NFATC2: variants seen among roughly 807,000 people sequenced by gnomAD.
The protein encoded by NFATC2 is nuclear factor of activated T-cells, cytoplasmic 2.
A neutral mutation model predicts 87.3 loss-of-function variants in NFATC2; 22 were observed. That is an observed-to-expected ratio of 0.25 (90% CI 0.18 to 0.36). The LOEUF is 0.36. NFATC2 is among the 10% of genes least tolerant of loss of function. The pLI is 1.00. For missense variants in NFATC2, 1,149 were observed against 1,259.1 expected (o/e 0.91, Z 1.32); for synonymous variants, 565 against 542.2 (o/e 1.04, Z -0.58).
chr20:51,550,449 G>C (rs2076923617), intron 1 of NFATC2, among the ~76,000 whole-genome samples: 1 of 152,072 alleles, frequency 6.6e-6, no homozygotes, highest in Non-Finnish European at 1.5e-5. Flanking sequence ...AAAATAGCCA[G>C]GCATGGTGGT....
intron 1 of NFATC2, among the ~76,000 whole-genome samples, chr20:51,528,650 C>G (rs2076585026): frequency 6.6e-6 from 1 of 152,152 alleles, no homozygotes; most frequent in African/African-American, 2.4e-5. Flanking sequence ...AGGAGACTTC[C>G]TTTGATTTGT....
rs76869271 is a variant in NFATC2 at position 51,420,187 on chromosome 20, A to G, written c.2722+11880T>C. On this transcript the variant is annotated intron_variant, in intron 9 of 10. Coordinates refer to ENST00000371564, the MANE Select transcript of NFATC2 (RefSeq NM_012340.5). ...TTGATGAAGGAAAGTTTCTCTTTAT[A>G]GAAGTTTTCCAGCTAACAGTAGAGG... is the stretch of plus-strand genomic sequence containing the variant. Among the ~76,000 whole-genome samples the G allele has an allele frequency of 6.5e-3, 988 of 152,354 alleles. 13 individuals carry two copies. The highest frequency in any genetic ancestry group is 0.023 in the African/African-American group (954 of 41,578).
At chr20:51,437,381 G>A (rs1457153047) in intron 6 of NFATC2, among the ~76,000 whole-genome samples, 3 of 152,122 alleles carry the variant, frequency 2.0e-5, no homozygotes, top group African/African-American at 7.2e-5. Flanking sequence ...ACATGCTGCT[G>A]TGCAGAGTAA....
rs1468562945 is a variant in NFATC2, at chr20:51,523,992, G to A, written c.249C>T (p.Pro83=). The change falls in exon 2 of 11, where the codon CCC becomes CCT. Residue 83 remains proline, a synonymous_variant. Coordinates refer to ENST00000371564, the MANE Select transcript of NFATC2 (RefSeq NM_012340.5). The surrounding 1 kb of genome is among the most constrained non-coding windows in gnomAD (Gnocchi z 6.9). ...SPLASLSGEP[P]GRFGEPDRVG... is the part of the protein sequence containing the mutation. ...CCCTATCCGGCTCTCCGAATCGGCC[G>A]GGGGGCTCGCCAGAGAGACTAGCAA... is the stretch of plus-strand genomic sequence containing the variant. The A allele has an allele frequency of 9.6e-6, 15 of 1,569,726 alleles. No individual in the cohort carries two copies. The highest frequency in any genetic ancestry group is 4.7e-5 in the South Asian group (4 of 84,562).
intron 5 of NFATC2, among the ~76,000 whole-genome samples, chr20:51,468,004 C>A (rs912108825): frequency 6.6e-6 from 1 of 152,222 alleles, no homozygotes; most frequent in Non-Finnish European, 1.5e-5. Flanking sequence ...TACTGAATAA[C>A]ACCATAGCAG....
chr20:51,548,994 T>C (rs566063353), intron 1 of NFATC2, among the ~76,000 whole-genome samples: 2 of 152,290 alleles, frequency 1.3e-5, no homozygotes, highest in East Asian at 3.9e-4. Flanking sequence ...CCTGCACATG[T>C]TGCTTAAAAA....
intron 9 of NFATC2, among the ~76,000 whole-genome samples, chr20:51,408,659 T>C (rs564213133): frequency 6.6e-6 from 1 of 152,214 alleles, no homozygotes; most frequent in East Asian, 1.9e-4. Context: ...AATTAGAACC[T>C]TCCCTCATAC....
rs763275819 is a variant in NFATC2 at position 51,432,470 on chromosome 20, G to A, written c.2319C>T (p.Ala773=). 9 of 1,557,232 alleles carry A rather than the reference G, an allele frequency of 5.8e-6. No individual in the cohort carries two copies. The Admixed American group carries it at 7.5e-5, about 13-fold the overall frequency. The change falls in exon 9 of 11, where the codon GCC becomes GCT. Residue 773 remains alanine, a synonymous_variant. Coordinates refer to ENST00000371564, the MANE Select transcript of NFATC2 (RefSeq NM_012340.5). The surrounding 1 kb of genome is among the most constrained non-coding windows in gnomAD (Gnocchi z 4.6). ...GGTGAGCGTCCGCAAGGGACAGCGGGGCGGCCATGAGGGCCGGCTGCTGAT... is the reference window on the plus strand; with the variant it reads ...GGTGAGCGTCCGCAAGGGACAGCGGAGCGGCCATGAGGGCCGGCTGCTGAT... ...LGYQQPALMA[A]PLSLADAHRS...
intron 5 of NFATC2, among the ~76,000 whole-genome samples, chr20:51,469,283 C>G (rs1987981978): frequency 6.6e-6 from 1 of 152,200 alleles, no homozygotes; most frequent in African/African-American, 2.4e-5. Flanking sequence ...TCTCAAAGCA[C>G]TGAGATTATA....
chr20:51,543,398 A>C (rs553300504), upstream of NFATC2, among the ~76,000 whole-genome samples: 1 of 152,320 alleles, frequency 6.6e-6, no homozygotes, highest in Non-Finnish European at 1.5e-5. Context: ...AGAACTCACC[A>C]GGGTATGGGA....
intron 1 of NFATC2, among the ~76,000 whole-genome samples, chr20:51,553,675 CAAAA>C (rs35610887): frequency 2.9e-5 from 3 of 104,844 alleles, no homozygotes; most frequent in Admixed American, 1.0e-4. Context: ...GACTCCATCT[CAAAA>C]AAAAAAAAAA....
At chr20:51,494,557 C>T (rs2075956974) in intron 3 of NFATC2, among the ~76,000 whole-genome samples, 1 of 152,082 alleles carries the variant, frequency 6.6e-6, no homozygotes. Context: ...CCTACCCTTG[C>T]CCAGAGCTGA....
chr20:51,399,421 G>A (rs1016416165), intron 9 of NFATC2, among the ~76,000 whole-genome samples: 1 of 152,220 alleles, frequency 6.6e-6, no homozygotes, highest in Non-Finnish European at 1.5e-5. Context: ...CCAAATGCCT[G>A]ATTTAGAAAT....
intron 3 of NFATC2, among the ~76,000 whole-genome samples, chr20:51,500,992 A>G (rs1430514414): frequency 6.7e-6 from 1 of 149,840 alleles, no homozygotes; most frequent in African/African-American, 2.5e-5. Flanking sequence ...CAAACACCTT[A>G]AGGGGCCAGG....
In NFATC2 at chr20:51,391,060, C is replaced by A; in HGVS notation, c.*436G>T. Reference sequence around the variant, plus strand: ...CATCTTCTGTCCCCCGTCCATCCCCCCAAGCTCCAGTCACTCTGTTCTCAG... The same window carrying A: ...CATCTTCTGTCCCCCGTCCATCCCCACAAGCTCCAGTCACTCTGTTCTCAG... On this transcript the variant is annotated 3_prime_UTR_variant, in exon 11 of 11. Transcript: ENST00000371564. 2 of 446,670 alleles carry A rather than the reference C, an allele frequency of 4.5e-6. No homozygotes were observed. The highest frequency in any genetic ancestry group is 2.0e-5 in the South Asian group (1 of 49,590). 27.7% of individuals were successfully genotyped at this position (446,670 alleles called of 1,614,324 possible). A position where few individuals can be genotyped will look rare whatever the true frequency, so the allele number is the denominator to read the frequency against.
At chr20:51,449,819 C>T (rs1420792180) in intron 6 of NFATC2, among the ~76,000 whole-genome samples, 1 of 152,142 alleles carries the variant, frequency 6.6e-6, no homozygotes, top group African/African-American at 2.4e-5. Flanking sequence ...CTTTTGGGCT[C>T]TTATGAGGGA....
intron 9 of NFATC2, among the ~76,000 whole-genome samples, chr20:51,429,012 G>A (rs1407963354): frequency 3.3e-5 from 5 of 152,180 alleles, no homozygotes; most frequent in African/African-American, 9.7e-5. Context: ...TGCCCCACCA[G>A]ACACCAAAGG....
At chr20:51,408,510 TTTAAAAA>T (rs1013538565) in intron 9 of NFATC2, among the ~76,000 whole-genome samples, 1 of 55,742 alleles carries the variant, frequency 1.8e-5, no homozygotes, top group African/African-American at 8.0e-5. Context: ...CAAGACTCTT[TTTAAAAA>T]AAAAAAAAAA....
In NFATC2 at chr20:51,479,048, T is replaced by C. The variant is rs373708994; in HGVS notation, c.1333-3388A>G. ...AGAGCCAGTTGACACCACTTTGGTA[T>C]GTACGTTTCCAGCCGTAGTGGGAAT... On this transcript the variant is annotated intron_variant, in intron 3 of 10. Transcript: ENST00000371564. 3.9e-5 allele frequency among the ~76,000 whole-genome samples: 6 copies of C among 152,342 alleles called. No homozygotes were observed. The East Asian group carries it at 7.7e-4, about 20-fold the overall frequency.
Sources: allele counts gnomAD v4.1 joint callset (sites outside exome capture counted in the v4.1 genomes callset), GRCh38; gene constraint gnomAD v4.1.1; non-coding constraint Gnocchi (gnomAD v3.1); transcripts MANE v1.5; gene names NCBI Gene and HGNC (gene_info 2026-07-23, HGNC 2026-07-21).